SYCP1: variants seen among roughly 807,000 people sequenced by gnomAD.
SYCP1 encodes the protein cancer/testis antigen 8.
Under a neutral mutation model 153.1 loss-of-function variants are expected in SYCP1, and 64 were observed. The ratio of observed to expected loss-of-function variants is 0.42; its 90% CI spans 0.34 to 0.51. The LOEUF is 0.51. Among genes scored for constraint, SYCP1 ranks in the 20% least tolerant of loss-of-function variants. The pLI is 0.06. For synonymous variants in SYCP1, 384 were observed against 341.8 expected (o/e 1.12, Z -1.36); for missense variants, 997 against 1,049.0 (o/e 0.95, Z 0.68).
chr1:114,913,899 A>G, intron 19 of SYCP1, 76 bp from the exon 20 acceptor site: 3 of 1,082,410 alleles, frequency 2.8e-6, no homozygotes, highest in Non-Finnish European at 3.9e-6. Context: ...GCTGATAGAT[A>G]AAGGTCTTAA....
chr1:114,939,837 T>C (rs1010869529), intron 23 of SYCP1, among the ~76,000 whole-genome samples: 1 of 152,210 alleles, frequency 6.6e-6, no homozygotes, highest in African/African-American at 2.4e-5. Context: ...TAGAGTTCTG[T>C]TTATGCAAAG....
chr1:114,972,693 T>C (rs887933785), intron 27 of SYCP1, among the ~76,000 whole-genome samples: 1 of 152,212 alleles, frequency 6.6e-6, no homozygotes, highest in Non-Finnish European at 1.5e-5. Flanking sequence ...TTAAATTCCA[T>C]GTGATTTTAT....
chr1:114,946,156 AC>A (rs1470615461), intron 25 of SYCP1, 132 bp from the exon 26 acceptor site: 1 of 279,006 alleles, frequency 3.6e-6, no homozygotes, highest in Non-Finnish European at 6.5e-6. Flanking sequence ...GAATTTATAA[AC>A]ATAAGTTTCT....
chr1:114,925,908 T>C (rs1315711201), intron 21 of SYCP1, among the ~76,000 whole-genome samples: 1 of 152,164 alleles, frequency 6.6e-6, no homozygotes, highest in African/African-American at 2.4e-5. Context: ...ATGTATACAT[T>C]GTGAAATGAT....
At chr1:114,860,912 T>C in intron 8 of SYCP1, 103 bp downstream of exon 8, 1 of 781,106 alleles carries the variant, frequency 1.3e-6, no homozygotes, top group Non-Finnish European at 2.0e-6. Context: ...CAATTTGATT[T>C]GAACAAATTA....
chr1:114,967,375 A>G (rs1346869629), intron 27 of SYCP1, among the ~76,000 whole-genome samples: 1 of 152,178 alleles, frequency 6.6e-6, no homozygotes, highest in African/African-American at 2.4e-5. Flanking sequence ...GGGTGCATGT[A>G]TTTAGGATAG....
At chr1:114,952,860 A>T (rs952324250) in intron 27 of SYCP1, among the ~76,000 whole-genome samples, 8 of 152,160 alleles carry the variant, frequency 5.3e-5, no homozygotes, top group African/African-American at 1.9e-4. Context: ...CCTCTGTCAG[A>T]GGACTTATTC....
At chr1:114,959,755 T>G (rs939846812) in intron 27 of SYCP1, among the ~76,000 whole-genome samples, 17 of 151,652 alleles carry the variant, frequency 1.1e-4, no homozygotes, top group African/African-American at 4.1e-4. Flanking sequence ...CTTCCCAGCC[T>G]CTGATAATCA....
intron 8 of SYCP1, among the ~76,000 whole-genome samples, chr1:114,866,128 T>A (rs1470542703): frequency 6.6e-6 from 1 of 152,228 alleles, no homozygotes; most frequent in African/African-American, 2.4e-5. Context: ...CAGTTATGAA[T>A]AAAGCTGCTA....
At chr1:114,994,090 G>A (rs971909169) in intron 30 of SYCP1, among the ~76,000 whole-genome samples, 11 of 151,000 alleles carry the variant, frequency 7.3e-5, no homozygotes, top group Non-Finnish European at 1.6e-4. Context: ...TCCATTGTAT[G>A]TATACACCAC....
intron 27 of SYCP1, among the ~76,000 whole-genome samples, chr1:114,948,168 G>C (rs1245765914): frequency 6.6e-6 from 1 of 151,920 alleles, no homozygotes; most frequent in Non-Finnish European, 1.5e-5. Context: ...AGAAAAAAAG[G>C]CTATCTCTGT....
At chr1:114,863,836 G>C (rs1199846324) in intron 8 of SYCP1, among the ~76,000 whole-genome samples, 3 of 151,884 alleles carry the variant, frequency 2.0e-5, no homozygotes, top group Non-Finnish European at 4.4e-5. Context: ...CATGGATGAA[G>C]CTGGAAACCA....
intron 23 of SYCP1, among the ~76,000 whole-genome samples, chr1:114,934,749 G>T (rs1669878762): frequency 6.6e-6 from 1 of 151,972 alleles, no homozygotes; most frequent in African/African-American, 2.4e-5. Flanking sequence ...AAAAGCAGGG[G>T]TTGCCATCCC....
intron 7 of SYCP1, 112 bp from the exon 8 acceptor site, chr1:114,860,624 A>C: frequency 1.5e-6 from 1 of 682,722 alleles, no homozygotes; most frequent in Non-Finnish European, 2.4e-6. Context: ...GCCAAAGATT[A>C]TAATATTTTA....
chr1:114,930,400 A>T (rs559497560), intron 23 of SYCP1, among the ~76,000 whole-genome samples: 1 of 151,972 alleles, frequency 6.6e-6, no homozygotes, highest in African/African-American at 2.4e-5. Flanking sequence ...AATAAAGCTG[A>T]TAAGCCCTAG....
intron 8 of SYCP1, among the ~76,000 whole-genome samples, chr1:114,867,123 C>T (rs1316622486): frequency 6.6e-6 from 1 of 151,998 alleles, no homozygotes; most frequent in South Asian, 2.1e-4. Context: ...GTCCTTTTCC[C>T]CCACAAATCC....
chr1:114,914,874 A>G (rs1668415167), intron 20 of SYCP1, among the ~76,000 whole-genome samples: 1 of 152,156 alleles, frequency 6.6e-6, no homozygotes, highest in Non-Finnish European at 1.5e-5. Context: ...GTGCAGACTA[A>G]GTCAAGAACT....
rs146206014 is a variant in SYCP1, at chr1:114,954,921, T to C, written c.2322+7601T>C. On this transcript the variant is annotated intron_variant, in intron 27 of 31. Transcript: ENST00000369522. ...ACTTATTACAGTGAATGACTAGAAC[T>C]TCCAGTACCATGTGGTAGACTGATA... Among the ~76,000 whole-genome samples, 1,244 of 152,300 alleles carry C rather than the reference T, an allele frequency of 8.2e-3. 8 individuals carry two copies. Among genetic ancestry groups the C allele is most frequent in the Non-Finnish European group, 0.013 (906 of 68,008 alleles).
At chr1:114,902,293 T>G (rs1008238033) in intron 16 of SYCP1, among the ~76,000 whole-genome samples, 1 of 152,050 alleles carries the variant, frequency 6.6e-6, no homozygotes, top group Non-Finnish European at 1.5e-5. Context: ...AAAAAGATGT[T>G]TTTTTTTGGT....
Sources: allele counts gnomAD v4.1 joint callset (sites outside exome capture counted in the v4.1 genomes callset), GRCh38; gene constraint gnomAD v4.1.1; transcripts MANE v1.5; gene names NCBI Gene and HGNC (gene_info 2026-07-23, HGNC 2026-07-21).